Variants in CFAP54 observed in about 807,000 individuals in gnomAD.
The protein encoded by CFAP54 is cilia and flagella associated protein 54.
In CFAP54, 290 loss-of-function variants were observed where a neutral mutation model predicts 370.4. The ratio of observed to expected loss-of-function variants is 0.78; its 90% CI spans 0.71 to 0.86. The LOEUF is 0.86. CFAP54 is among the 40% of genes least tolerant of loss of function. The pLI, the probability that CFAP54 is intolerant of heterozygous loss-of-function variation, is 0.00. For missense variants in CFAP54, 3,399 were observed against 3,528.7 expected (o/e 0.96, Z 0.93); for synonymous variants, 1,206 against 1,236.5 (o/e 0.98, Z 0.52).
rs552090776 is a variant in CFAP54 at position 96,842,050 on chromosome 12, G to C, written c.9171+12962G>C. Among the ~76,000 whole-genome samples, 22 of 152,186 alleles carry C rather than the reference G, an allele frequency of 1.4e-4. 1 individual carries two copies. The South Asian group carries it at 4.4e-3, about 30-fold the overall frequency. On this transcript the variant is annotated intron_variant, in intron 66 of 67. Coordinates refer to ENST00000524981, the MANE Select transcript of CFAP54 (RefSeq NM_001306084.2). ...TAAAATAATGTGAAATGAATCATTT[G>C]TTCATTTGACCTTTAACAACTCCCT...
At chr12:96,491,509 G>A (rs1954884981) in intron 1 of CFAP54, among the ~76,000 whole-genome samples, 1 of 152,180 alleles carries the variant, frequency 6.6e-6, no homozygotes, top group Admixed American at 6.5e-5. Flanking sequence ...AAATGGAGAA[G>A]GGAAGAGTCC....
intron 19 of CFAP54, among the ~76,000 whole-genome samples, chr12:96,570,036 T>A (rs1352398053): frequency 1.3e-5 from 2 of 151,996 alleles, no homozygotes; most frequent in African/African-American, 4.8e-5. Context: ...TGCAGTGCAG[T>A]GGTGTGTATG....
At chr12:96,861,503 C>G (rs896979754) in intron 67 of CFAP54, among the ~76,000 whole-genome samples, 1 of 152,138 alleles carries the variant, frequency 6.6e-6, no homozygotes, top group African/African-American at 2.4e-5. Flanking sequence ...CTCTAAATGG[C>G]TTGGGAAAAA....
At chr12:96,656,801 A>G (rs531859666) in intron 36 of CFAP54, among the ~76,000 whole-genome samples, 2 of 152,386 alleles carry the variant, frequency 1.3e-5, no homozygotes, top group African/African-American at 2.4e-5. Flanking sequence ...CTGTGCTTCT[A>G]GAAGACTTAC....
chr12:96,772,890 G>A (rs1164764394), intron 60 of CFAP54, among the ~76,000 whole-genome samples: 2 of 152,144 alleles, frequency 1.3e-5, no homozygotes, highest in Admixed American at 6.5e-5. Context: ...GATTACAGGC[G>A]TGAGCCACCA....
chr12:96,640,325 A>G (rs1438749520), intron 32 of CFAP54, among the ~76,000 whole-genome samples: 4 of 152,320 alleles, frequency 2.6e-5, no homozygotes, highest in South Asian at 2.1e-4. Flanking sequence ...CCCATTCACA[A>G]TTGCTTCAAA....
At chr12:96,866,905 T>C (rs1592822368) in intron 67 of CFAP54, among the ~76,000 whole-genome samples, 1 of 152,200 alleles carries the variant, frequency 6.6e-6, no homozygotes, top group East Asian at 1.9e-4. Flanking sequence ...TCAAGTCAAC[T>C]GTTTATATTC....
intron 14 of CFAP54, among the ~76,000 whole-genome samples, chr12:96,543,392 G>T (rs1162354086): frequency 6.6e-6 from 1 of 152,192 alleles, no homozygotes; most frequent in Non-Finnish European, 1.5e-5. Flanking sequence ...GGACCTCTAG[G>T]ATCCCATACA....
intron 3 of CFAP54, among the ~76,000 whole-genome samples, chr12:96,506,078 G>A (rs933196300): frequency 2.6e-5 from 4 of 152,086 alleles, no homozygotes; most frequent in Admixed American, 2.0e-4. Context: ...GGTGGCTCAC[G>A]CCTGTAATCC....
At chr12:96,673,051 G>T (rs546841162) in intron 39 of CFAP54, among the ~76,000 whole-genome samples, 1 of 152,124 alleles carries the variant, frequency 6.6e-6, no homozygotes, top group African/African-American at 2.4e-5. Context: ...TCTCAATGGC[G>T]GTAGAGGCAC....
chr12:96,601,038 G>A (rs747608957), intron 26 of CFAP54, among the ~76,000 whole-genome samples: 14 of 152,074 alleles, frequency 9.2e-5, no homozygotes, highest in Non-Finnish European at 1.9e-4. Context: ...GTCTTGTGCT[G>A]CTTTTCAAAG....
chr12:96,704,843 A>G, intron 47 of CFAP54, 47 bp downstream of exon 47: 1 of 700,400 alleles, frequency 1.4e-6, no homozygotes, highest in Non-Finnish European at 2.3e-6. Flanking sequence ...AAGTGTGGAT[A>G]ATTTTTGAGT....
chr12:96,754,184 G>A (rs138327630), intron 56 of CFAP54, among the ~76,000 whole-genome samples: 6 of 152,260 alleles, frequency 3.9e-5, no homozygotes, highest in African/African-American at 1.4e-4. Context: ...TGGCAGCATA[G>A]CCTCTTAGCT....
intron 19 of CFAP54, among the ~76,000 whole-genome samples, chr12:96,569,243 C>T (rs568499002): frequency 2.0e-5 from 3 of 152,296 alleles, no homozygotes; most frequent in Admixed American, 6.5e-5. Context: ...CCCTTCCAAA[C>T]TCATCTTTTG....
intron 33 of CFAP54, chr12:96,645,454 A>G (rs1956777426): frequency 5.2e-6 from 1 of 190,562 alleles, no homozygotes; most frequent in Non-Finnish European, 1.1e-5. Context: ...AAAAGAGGAT[A>G]CAAACCAGTG....
intron 39 of CFAP54, among the ~76,000 whole-genome samples, chr12:96,675,195 A>G (rs1957192167): frequency 6.6e-6 from 1 of 152,198 alleles, no homozygotes; most frequent in African/African-American, 2.4e-5. Context: ...TCATCTGACA[A>G]AGGGCCAATA....
chr12:96,670,192 A>T (rs1229562375), intron 39 of CFAP54, among the ~76,000 whole-genome samples: 2 of 152,312 alleles, frequency 1.3e-5, no homozygotes, highest in East Asian at 3.9e-4. Flanking sequence ...CTGTAGAGTC[A>T]TGGGCTATGG....
intron 60 of CFAP54, among the ~76,000 whole-genome samples, chr12:96,770,292 A>T (rs986380939): frequency 1.3e-5 from 2 of 152,138 alleles, no homozygotes; most frequent in Admixed American, 1.3e-4. Flanking sequence ...AGTGAAGCAG[A>T]CTTGTCTTGG....
At chr12:96,564,866 T>C (rs1182490376) in intron 19 of CFAP54, 101 bp downstream of exon 19, 2 of 480,058 alleles carry the variant, frequency 4.2e-6, no homozygotes, top group African/African-American at 4.0e-5. Flanking sequence ...CCTTAACATT[T>C]AATTATGAAC....
Sources: allele counts gnomAD v4.1 joint callset (sites outside exome capture counted in the v4.1 genomes callset), GRCh38; gene constraint gnomAD v4.1.1; transcripts MANE v1.5; gene names NCBI Gene and HGNC (gene_info 2026-07-23, HGNC 2026-07-21).